The following DNM3 variants were observed in gnomAD, a reference collection of about 807,000 sequenced individuals.
DNM3 encodes dynamin-3.
Under a neutral mutation model 101.6 loss-of-function variants are expected in DNM3, and 47 were observed. The observed-to-expected ratio is 0.46, with a 90% CI of 0.37 to 0.59. DNM3 has a LOEUF of 0.59. Among genes scored for constraint, DNM3 ranks in the 20% least tolerant of loss-of-function variants. The probability of loss-of-function intolerance (pLI) is 0.00; values close to 1 mark genes in which losing one functional copy is unlikely to be tolerated. For missense variants in DNM3, 849 were observed against 1,085.7 expected, an observed-to-expected ratio of 0.78 and a Z score of 3.06; for synonymous variants, 385 against 387.9, an observed-to-expected ratio of 0.99 and a Z score of 0.09.
chr1:172,030,006 T>C (rs908831727), intron 4 of DNM3, among the ~76,000 whole-genome samples: 1 of 152,142 alleles, frequency 6.6e-6, no homozygotes, highest in African/African-American at 2.4e-5. Context: ...GATTCAGTGC[T>C]ACCTCTATCA....
At chr1:172,345,496 T>C (rs774673463) in intron 17 of DNM3, among the ~76,000 whole-genome samples, 44 of 152,216 alleles carry the variant, frequency 2.9e-4, no homozygotes, top group Non-Finnish European at 5.4e-4. Flanking sequence ...CTCATTCTTT[T>C]TATTGATGTG....
intron 6 of DNM3, among the ~76,000 whole-genome samples, chr1:172,033,914 C>G (rs368764702): frequency 6.6e-6 from 1 of 152,130 alleles, no homozygotes; most frequent in African/African-American, 2.4e-5. Context: ...TTAAGTGTTA[C>G]GACAAGCATC....
At chr1:172,200,040 G>C (rs1189358045) in intron 14 of DNM3, among the ~76,000 whole-genome samples, 1 of 151,986 alleles carries the variant, frequency 6.6e-6, no homozygotes, top group Non-Finnish European at 1.5e-5. Context: ...GTTTTAGCTG[G>C]TAGTGGTCTT....
At chr1:172,383,694 A>G (rs1419499241) in intron 18 of DNM3, among the ~76,000 whole-genome samples, 1 of 152,224 alleles carries the variant, frequency 6.6e-6, no homozygotes, top group Admixed American at 6.5e-5. Context: ...AGAAGGTTTA[A>G]GATCCAAACA....
rs142664432 is a variant in DNM3 at position 172,386,472 on chromosome 1, A to AT, written c.2059-660dup. Among the ~76,000 whole-genome samples, 230 of 152,346 alleles carry AT rather than the reference A, an allele frequency of 1.5e-3. 1 individual carries two copies. The highest frequency in any genetic ancestry group is 5.4e-3 in the African/African-American group (223 of 41,574). ...GTTTGTTTTTATATATTAGCTAACTATGCAACCTCATGTCAGTCCCCATCA... is the reference window on the plus strand; with the variant it reads ...GTTTGTTTTTATATATTAGCTAACTATTGCAACCTCATGTCAGTCCCCATCA... On this transcript the variant is annotated intron_variant, in intron 18 of 20. Transcript: ENST00000627582.
intron 1 of DNM3, among the ~76,000 whole-genome samples, chr1:171,887,598 A>G (rs2036888527): frequency 1.3e-5 from 2 of 152,180 alleles, no homozygotes; most frequent in South Asian, 4.1e-4. Context: ...TTTATGGGAA[A>G]CTTAAGATAA....
chr1:171,870,306 G>A (rs558885073), intron 1 of DNM3, among the ~76,000 whole-genome samples: 1 of 152,226 alleles, frequency 6.6e-6, no homozygotes, highest in South Asian at 2.1e-4. Context: ...AGGCATTACT[G>A]AAGATAAATT....
At chr1:171,855,449 A>G (rs11586710) in intron 1 of DNM3, among the ~76,000 whole-genome samples, 65,248 of 152,030 alleles carry the variant, frequency 0.43, 14,179 homozygotes, top group African/African-American at 0.46. Context: ...TTGAGGAATC[A>G]CCATACTCCT....
intron 2 of DNM3, among the ~76,000 whole-genome samples, chr1:171,938,313 A>C (rs1427384018): frequency 1.3e-5 from 2 of 152,034 alleles, no homozygotes; most frequent in African/African-American, 2.4e-5. Flanking sequence ...GCATAAACAG[A>C]GATAAAAACT....
At chr1:172,160,764 CATTATT>C (rs1238225122) in intron 14 of DNM3, among the ~76,000 whole-genome samples, 53 of 152,074 alleles carry the variant, frequency 3.5e-4, no homozygotes, top group African/African-American at 1.1e-3. Flanking sequence ...TGCTTATTAT[CATTATT>C]AAGTACTATA....
At chr1:172,099,597 G>A (rs2054493051) in intron 13 of DNM3, among the ~76,000 whole-genome samples, 1 of 152,064 alleles carries the variant, frequency 6.6e-6, no homozygotes, top group African/African-American at 2.4e-5. Flanking sequence ...AAAAGATGAT[G>A]TTGACTGAAA....
intron 1 of DNM3, among the ~76,000 whole-genome samples, chr1:171,862,267 C>G (rs1423138312): frequency 6.6e-6 from 1 of 152,110 alleles, no homozygotes; most frequent in Non-Finnish European, 1.5e-5. Context: ...CAAATATGTA[C>G]ATGCAAAAAC....
chr1:172,199,754 G>A (rs961921759), intron 14 of DNM3, among the ~76,000 whole-genome samples: 11 of 151,908 alleles, frequency 7.2e-5, no homozygotes, highest in African/African-American at 2.4e-4. Context: ...CATTTGTTTG[G>A]TAGATTTTCC....
intron 14 of DNM3, among the ~76,000 whole-genome samples, chr1:172,192,778 G>T (rs2059783644): frequency 6.6e-6 from 1 of 151,478 alleles, no homozygotes; most frequent in Admixed American, 6.6e-5. Flanking sequence ...GTCTATCATT[G>T]TTGGACATTT....
intron 17 of DNM3, among the ~76,000 whole-genome samples, chr1:172,333,966 T>TA (rs2066306234): frequency 6.6e-6 from 1 of 152,222 alleles, no homozygotes; most frequent in Admixed American, 6.5e-5. Flanking sequence ...TCTCATTTTA[T>TA]ATCACAAGGG....
At chr1:171,967,297 G>A (rs1287697080) in intron 2 of DNM3, among the ~76,000 whole-genome samples, 1 of 152,138 alleles carries the variant, frequency 6.6e-6, no homozygotes, top group East Asian at 1.9e-4. Context: ...TGGACCAGTG[G>A]TGAAATGACC....
chr1:171,855,484 C>T (rs1446478494), intron 1 of DNM3, among the ~76,000 whole-genome samples: 2 of 152,212 alleles, frequency 1.3e-5, no homozygotes, highest in African/African-American at 2.4e-5. Flanking sequence ...AACTAATTTA[C>T]ACTCTCACCA....
chr1:171,920,591 T>C (rs1235711596), intron 1 of DNM3, among the ~76,000 whole-genome samples: 1 of 152,232 alleles, frequency 6.6e-6, no homozygotes, highest in Non-Finnish European at 1.5e-5. Context: ...TTATTTTGAA[T>C]GGAATTCTGT....
chr1:172,365,391 T>G (rs2067961272), intron 17 of DNM3, among the ~76,000 whole-genome samples: 1 of 151,936 alleles, frequency 6.6e-6, no homozygotes, highest in South Asian at 2.1e-4. Context: ...TCTATCTACT[T>G]TTACATATAT....
Sources: gnomAD v4.1 joint callset for allele counts (sites outside exome capture counted in the v4.1 genomes callset) on GRCh38, gnomAD v4.1.1 for gene constraint, MANE v1.5 for transcripts, NCBI Gene and HGNC (gene_info 2026-07-23, HGNC 2026-07-21) for gene names.